SYN1: variants seen among roughly 807,000 people sequenced by gnomAD.
The protein encoded by SYN1 is synapsin-1.
Under a neutral mutation model 44.6 loss-of-function variants are expected in SYN1, and 8 were observed. The observed-to-expected ratio is 0.18, with a 90% CI of 0.11 to 0.32. The LOEUF (loss-of-function observed/expected upper bound fraction) is 0.32, where lower values mean the gene tolerates loss of function less well. Among genes scored for constraint, SYN1 ranks in the 10% least tolerant of loss-of-function variants. SYN1 has a pLI of 1.00. For missense variants in SYN1, 451 were observed against 639.4 expected (o/e 0.71, Z 3.18); for synonymous variants, 275 against 280.1 (o/e 0.98, Z 0.18).
intron 1 of SYN1, among the ~76,000 whole-genome samples, chrX:47,607,473 A>G (rs2147928792): frequency 8.9e-6 from 1 of 111,998 alleles, no homozygotes; most frequent in Non-Finnish European, 1.9e-5. Flanking sequence ...TCTGCTCATC[A>G]CATTGTCATT....
At chrX:47,596,343 A>C (rs1400865794) in intron 5 of SYN1, among the ~76,000 whole-genome samples, 1 of 112,674 alleles carries the variant, frequency 8.9e-6, no homozygotes, top group African/African-American at 3.2e-5. Flanking sequence ...GTAATTATAT[A>C]TCCATTATCA....
chrX:47,582,507 C>T (rs1427289507), intron 5 of SYN1: 5 of 318,517 alleles, frequency 1.6e-5, no homozygotes, highest in Middle Eastern at 5.7e-4. Context: ...CAGCAGGGAC[C>T]GGAGCTGGGC....
chrX:47,585,974 G>C lies in SYN1; in HGVS notation c.775-8473C>G, dbSNP rs183405040. On this transcript the variant is annotated intron_variant, in intron 5 of 12. Coordinates refer to ENST00000295987, the MANE Select transcript of SYN1 (RefSeq NM_006950.3). ...TCCTGAGCCCCCGGGATTGTTTCTT[G>C]GTTCCCCAGAATGTTCTCCAAGAAC... 1.2e-4 allele frequency: 124 copies of C among 1,051,804 alleles called. No individual in the cohort carries two copies. In the South Asian group the frequency reaches 2.2e-3, roughly 19 times the overall value. 86.7% of individuals were successfully genotyped at this position (1,051,804 alleles called of 1,213,427 possible).
In SYN1 at chrX:47,585,094, T is replaced by C. The variant is rs776355142; in HGVS notation, c.775-7593A>G. On this transcript the variant is annotated intron_variant, in intron 5 of 12. Transcript: ENST00000295987. ...CAAAACAGAAACTTCTGGCCACTGG[T>C]TGGTGCGAGAAAGTTGGCTGTGATC... The C allele has an allele frequency of 9.4e-6, 11 of 1,170,426 alleles. No individual in the cohort carries two copies. In the Admixed American group the frequency reaches 1.6e-4, roughly 18 times the overall value.
intron 5 of SYN1, among the ~76,000 whole-genome samples, chrX:47,579,196 C>T (rs1314897881): frequency 2.7e-5 from 3 of 111,539 alleles, no homozygotes; most frequent in Non-Finnish European, 5.7e-5. Flanking sequence ...ACCCATACCT[C>T]CCCCAACAAC....
Position 47,598,216 on chromosome X carries a change from T to A in SYN1, c.774+6762A>T, listed in dbSNP as rs1442314583. ...AACTGCATAAAGCAATAACTATAAC[T>A]ATGTTCATGGGCACACAATGTGTAA... On this transcript the variant is annotated intron_variant, in intron 5 of 12. Transcript: ENST00000295987. Among the ~76,000 whole-genome samples the A allele has an allele frequency of 6.3e-5, 7 of 111,981 alleles. 1 individual carries two copies. The highest frequency in any genetic ancestry group is 2.3e-4 in the African/African-American group (7 of 30,582).
intron 5 of SYN1, among the ~76,000 whole-genome samples, chrX:47,596,681 A>G (rs1603066584): frequency 8.9e-6 from 1 of 112,854 alleles, no homozygotes; most frequent in East Asian, 2.8e-4. Context: ...CAGGCTTTAC[A>G]GAATTAGTTC....
intron 1 of SYN1, among the ~76,000 whole-genome samples, chrX:47,611,183 G>A (rs966407006): frequency 1.8e-5 from 2 of 112,008 alleles, no homozygotes; most frequent in African/African-American, 3.2e-5. Flanking sequence ...CTTCTAAAAT[G>A]GCGCACACCC....
Position 47,574,243 on chromosome X carries a change from G to T in SYN1, c.1741C>A (p.Pro581Thr). 9.1e-7 allele frequency: 1 copy of T among 1,096,501 alleles called. No individual in the cohort carries two copies. The highest frequency in any genetic ancestry group is 1.2e-6 in the Non-Finnish European group (1 of 845,087). The allele number at this position is 1,096,501 out of a possible 1,213,427, so 90.4% of individuals were successfully genotyped here. Residue 581 changes from proline to threonine, a missense_variant, in exon 12 of 13, where the codon CCA becomes ACA. Physicochemically the swap from Pro to Thr is conservative, Grantham distance 38. Around this residue, in one of 3 missense-constraint regions of SYN1, gnomAD observed 127 missense variants for 154.8 expected, o/e 0.82. Transcript: ENST00000295987. ...GPAPPKASGA[P>T]PGGQQRQGPP... is the part of the protein sequence containing the mutation. ...CCCTGGCGCTGCTGCCCGCCCGGTG[G>T]GGCCCCAGAGGCCTTTGGCGGAGCC...
chrX:47,610,020 C>T (rs1315261450), intron 1 of SYN1, among the ~76,000 whole-genome samples: 2 of 111,419 alleles, frequency 1.8e-5, no homozygotes, highest in African/African-American at 6.5e-5. Flanking sequence ...TGACTATTCC[C>T]TAAACGCCAT....
chrX:47,582,603 T>C (rs1038344196), intron 5 of SYN1: 12 of 363,331 alleles, frequency 3.3e-5, no homozygotes, highest in Admixed American at 3.3e-4. Flanking sequence ...ACCAGGACCC[T>C]GGGCTAGTCT....
chrX:47,585,335 A>G, intron 5 of SYN1: 3 of 1,211,500 alleles, frequency 2.5e-6, no homozygotes, highest in Non-Finnish European at 3.4e-6. Flanking sequence ...ATTGCTGGTG[A>G]GGCACCGTCC....
chrX:47,577,542 A>G (rs1259173486), intron 5 of SYN1, 41 bp from the exon 6 acceptor site: 1 of 1,155,717 alleles, frequency 8.7e-7, no homozygotes, highest in Admixed American at 2.3e-5. Context: ...CAGGGCAGAA[A>G]GGGTGACCTC....
At chrX:47,616,602 C>T (rs1603077054) in intron 1 of SYN1, among the ~76,000 whole-genome samples, 1 of 111,610 alleles carries the variant, frequency 9.0e-6, no homozygotes, top group South Asian at 3.8e-4. Flanking sequence ...GAAGATAACA[C>T]GTTGGTGAGT....
intron 12 of SYN1, among the ~76,000 whole-genome samples, chrX:47,573,408 G>A (rs992993219): frequency 1.8e-5 from 2 of 112,020 alleles, no homozygotes; most frequent in African/African-American, 6.5e-5. Flanking sequence ...ACCAAGGACA[G>A]GCTGTTGGGC....
At chrX:47,617,023 T>G (rs1879589683) in intron 1 of SYN1, among the ~76,000 whole-genome samples, 1 of 110,072 alleles carries the variant, frequency 9.1e-6, no homozygotes, top group Admixed American at 9.7e-5. Flanking sequence ...AGCTGGCAGG[T>G]GAGGATTTCA....
chrX:47,617,384 C>A (rs2057934376), intron 1 of SYN1, among the ~76,000 whole-genome samples: 1 of 110,612 alleles, frequency 9.0e-6, no homozygotes, highest in Non-Finnish European at 1.9e-5. Context: ...AATAGTAAAA[C>A]TATTAAGTAA....
intron 5 of SYN1, among the ~76,000 whole-genome samples, chrX:47,588,698 G>A (rs1438592513): frequency 1.8e-5 from 2 of 111,642 alleles, no homozygotes; most frequent in Non-Finnish European, 3.8e-5. Flanking sequence ...TAGAACATCT[G>A]TTAAAATAGG....
intron 5 of SYN1, among the ~76,000 whole-genome samples, chrX:47,593,782 T>G (rs2057855569): frequency 8.9e-6 from 1 of 112,274 alleles, no homozygotes; most frequent in African/African-American, 3.2e-5. Context: ...TTATGGAAAT[T>G]GGTTTGTTAA....
Sources: allele counts gnomAD v4.1 joint callset (sites outside exome capture counted in the v4.1 genomes callset), GRCh38; gene constraint gnomAD v4.1.1; regional missense constraint gnomAD v4.1.1; transcripts MANE v1.5; gene names NCBI Gene and HGNC (gene_info 2026-07-23, HGNC 2026-07-21).